CDYL2: variants seen among roughly 807,000 people sequenced by gnomAD.
CDYL2 encodes the protein chromodomain Y like 2.
Under a neutral mutation model 49.4 loss-of-function variants are expected in CDYL2, and 23 were observed. The observed-to-expected ratio is 0.47, with a 90% CI of 0.34 to 0.66. The LOEUF (loss-of-function observed/expected upper bound fraction) is 0.66, where lower values mean the gene tolerates loss of function less well. Among genes scored for constraint, CDYL2 ranks in the 30% least tolerant of loss-of-function variants. The pLI, the probability that CDYL2 is intolerant of heterozygous loss-of-function variation, is 0.01. For missense variants in CDYL2, 678 were observed against 656.4 expected, an observed-to-expected ratio of 1.03 and a Z score of -0.36; for synonymous variants, 360 against 268.8, an observed-to-expected ratio of 1.34 and a Z score of -3.32.
chr16:80,706,721 T>C (rs117010295), intron 1 of CDYL2, among the ~76,000 whole-genome samples: 18 of 152,190 alleles, frequency 1.2e-4, no homozygotes, highest in Non-Finnish European at 2.5e-4. Context: ...CCAGGGACCA[T>C]AGACAAAGAG....
intron 2 of CDYL2, among the ~76,000 whole-genome samples, chr16:80,676,623 G>A (rs1909754042): frequency 6.6e-6 from 1 of 152,206 alleles, no homozygotes; most frequent in Admixed American, 6.5e-5. Flanking sequence ...AACAGTCGTA[G>A]TTTTGAGGAA....
intron 1 of CDYL2, among the ~76,000 whole-genome samples, chr16:80,746,111 T>C (rs934120809): frequency 2.0e-5 from 3 of 152,082 alleles, no homozygotes; most frequent in Non-Finnish European, 4.4e-5. Flanking sequence ...TCCCGAGACC[T>C]TCCTTCTCCC....
intron 1 of CDYL2, among the ~76,000 whole-genome samples, chr16:80,787,137 ATACAT>A (rs1394321929): frequency 6.6e-6 from 1 of 152,164 alleles, no homozygotes; most frequent in Non-Finnish European, 1.5e-5. Flanking sequence ...GTCGCTTTAA[ATACAT>A]TACAAGAATA....
chr16:80,724,567 A>C (rs1905105531), intron 1 of CDYL2, among the ~76,000 whole-genome samples: 1 of 152,142 alleles, frequency 6.6e-6, no homozygotes. Context: ...CATGACACAC[A>C]TGTGGCACTT....
Position 80,599,038 on chromosome 16 carries a change from A to G in CDYL2, c.*5350T>C, listed in dbSNP as rs574740505. The G allele has an allele frequency of 6.6e-6, 1 of 152,186 alleles. No individual in the cohort carries two copies. The highest frequency in any genetic ancestry group is 2.4e-5 in the African/African-American group (1 of 41,504). 9.4% of individuals were successfully genotyped at this position (152,186 alleles called of 1,614,324 possible). On this transcript the variant is annotated 3_prime_UTR_variant, in exon 7 of 7. Transcript: ENST00000570137. ...AGATGGGAAACTCTACACCCTCCAAACTTCCAAGAGTCAGCTTCAAGAGCT... is the reference window on the plus strand; with the variant it reads ...AGATGGGAAACTCTACACCCTCCAAGCTTCCAAGAGTCAGCTTCAAGAGCT...
chr16:80,660,999 G>A (rs1909019435), intron 2 of CDYL2, among the ~76,000 whole-genome samples: 2 of 152,138 alleles, frequency 1.3e-5, no homozygotes, highest in Non-Finnish European at 2.9e-5. Flanking sequence ...CTGGGGTTGG[G>A]GTGAGGCCAC....
intron 2 of CDYL2, among the ~76,000 whole-genome samples, chr16:80,674,156 A>C (rs150792477): frequency 6.6e-6 from 1 of 152,328 alleles, no homozygotes; most frequent in East Asian, 1.9e-4. Flanking sequence ...TGGTTCACTA[A>C]GAGTACCTCG....
At chr16:80,640,386 C>T (rs1908030811) in intron 2 of CDYL2, among the ~76,000 whole-genome samples, 1 of 152,162 alleles carries the variant, frequency 6.6e-6, no homozygotes, top group African/African-American at 2.4e-5. Context: ...GATTCATCAC[C>T]TGCTAACTGA....
chr16:80,772,152 C>CA (rs2142395625), intron 1 of CDYL2, among the ~76,000 whole-genome samples: 1 of 152,098 alleles, frequency 6.6e-6, no homozygotes, highest in South Asian at 2.1e-4. Flanking sequence ...AAACATCCTT[C>CA]AAAACTAAAT....
chr16:80,662,071 G>A (rs968021180), intron 2 of CDYL2, among the ~76,000 whole-genome samples: 1 of 152,130 alleles, frequency 6.6e-6, no homozygotes, highest in African/African-American at 2.4e-5. Flanking sequence ...AGATCATGAA[G>A]TCTCCATGTG....
chr16:80,779,956 T>C (rs1037722264), intron 1 of CDYL2, among the ~76,000 whole-genome samples: 16 of 152,244 alleles, frequency 1.1e-4, no homozygotes, highest in African/African-American at 2.9e-4. Context: ...AATATACTTA[T>C]TAAGAAAGCA....
chr16:80,682,449 A>C (rs933155926), intron 2 of CDYL2, among the ~76,000 whole-genome samples: 1 of 152,162 alleles, frequency 6.6e-6, no homozygotes, highest in Admixed American at 6.5e-5. Context: ...GCATCAGCAA[A>C]GCCGAAGGGT....
At chr16:80,647,663 A>G (rs1908409800) in intron 2 of CDYL2, among the ~76,000 whole-genome samples, 1 of 152,166 alleles carries the variant, frequency 6.6e-6, no homozygotes, top group African/African-American at 2.4e-5. Flanking sequence ...GAAATATTGG[A>G]CTTCATCTGC....
At chr16:80,709,689 C>T (rs982323317) in intron 1 of CDYL2, among the ~76,000 whole-genome samples, 2 of 152,100 alleles carry the variant, frequency 1.3e-5, no homozygotes, top group Admixed American at 6.6e-5. Flanking sequence ...ATTTCACAAC[C>T]CCACAATAAT....
intron 2 of CDYL2, among the ~76,000 whole-genome samples, chr16:80,672,094 A>C (rs1274250466): frequency 1.3e-5 from 2 of 152,150 alleles, no homozygotes; most frequent in Non-Finnish European, 2.9e-5. Context: ...TGCTCCAATG[A>C]GCATTTCCTT....
At chr16:80,749,645 GACA>G (rs1449533777) in intron 1 of CDYL2, among the ~76,000 whole-genome samples, 8 of 152,058 alleles carry the variant, frequency 5.3e-5, no homozygotes, top group South Asian at 4.2e-4. Flanking sequence ...ACAAAATAAG[GACA>G]ACAACTCCAA....
chr16:80,665,824 G>C (rs947023297), intron 2 of CDYL2, among the ~76,000 whole-genome samples: 33 of 152,186 alleles, frequency 2.2e-4, no homozygotes, highest in African/African-American at 8.0e-4. Context: ...CCATGGAAAA[G>C]TCACAAAAGT....
intron 4 of CDYL2, among the ~76,000 whole-genome samples, chr16:80,616,547 C>A (rs1369107844): frequency 6.6e-6 from 1 of 152,162 alleles, no homozygotes; most frequent in East Asian, 1.9e-4. Context: ...TAACCAGAGG[C>A]ATGGAGGAGA....
In CDYL2 at chr16:80,684,373, C is replaced by T. The variant is rs112643343; in HGVS notation, c.616+165G>A. 2.1e-3 allele frequency among the ~76,000 whole-genome samples: 326 copies of T among 152,206 alleles called. 2 individuals are homozygous for T. The highest frequency in any genetic ancestry group is 0.01 in the East Asian group (53 of 5,170). ...AGGGTCTGTAACCAACATGGGCCTA[C>T]GACCGAGTCCACAAAGCTCTAGGTG... On this transcript the variant is annotated intron_variant, in intron 2 of 6. Transcript: ENST00000570137.
Sources: gnomAD v4.1 joint callset for allele counts (sites outside exome capture counted in the v4.1 genomes callset) on GRCh38, gnomAD v4.1.1 for gene constraint, MANE v1.5 for transcripts, NCBI Gene and HGNC (gene_info 2026-07-23, HGNC 2026-07-21) for gene names.